ARHGAP6: variants seen among roughly 807,000 people sequenced by gnomAD.
ARHGAP6 encodes rho GTPase-activating protein 6.
In ARHGAP6, 16 loss-of-function variants were observed where a neutral mutation model predicts 55.7. That is an observed-to-expected ratio of 0.29 (90% confidence interval 0.19 to 0.44). The LOEUF (loss-of-function observed/expected upper bound fraction) is 0.44. Among genes scored for constraint, ARHGAP6 ranks in the 20% least tolerant of loss-of-function variants. The probability of loss-of-function intolerance (pLI) is 1.00; values close to 1 mark genes in which losing one functional copy is unlikely to be tolerated. For synonymous variants in ARHGAP6, 382 were observed against 360.9 expected, an observed-to-expected ratio of 1.06 and a Z score of -0.66; for missense variants, 698 against 808.9, an observed-to-expected ratio of 0.86 and a Z score of 1.66.
At chrX:11,599,821 T>A (rs1053579556) in intron 1 of ARHGAP6, among the ~76,000 whole-genome samples, 6 of 112,105 alleles carry the variant, frequency 5.4e-5, no homozygotes, top group Non-Finnish European at 9.4e-5. Context: ...GCGGATATGA[T>A]CATAAACTTG....
intron 1 of ARHGAP6, among the ~76,000 whole-genome samples, chrX:11,515,991 A>T (rs1335258692): frequency 1.8e-5 from 2 of 112,468 alleles, no homozygotes; most frequent in Non-Finnish European, 3.8e-5. Flanking sequence ...TTTTCCTATT[A>T]AAGTTAATTG....
intron 1 of ARHGAP6, among the ~76,000 whole-genome samples, chrX:11,647,810 A>T (rs1163698076): frequency 8.9e-6 from 1 of 112,189 alleles, no homozygotes; most frequent in Non-Finnish European, 1.9e-5. Context: ...TCCCATTCTA[A>T]TCATGCAAAA....
At chrX:11,458,263 G>T (rs1226140384) in intron 1 of ARHGAP6, among the ~76,000 whole-genome samples, 2 of 112,532 alleles carry the variant, frequency 1.8e-5, no homozygotes, top group African/African-American at 6.5e-5. Context: ...GAAGACTTTA[G>T]TAAGGCTGCG....
chrX:11,219,284 T>G lies in ARHGAP6; in HGVS notation c.749-22288A>C, dbSNP rs1306406735. Among the ~76,000 whole-genome samples, 389 of 104,656 alleles carry G rather than the reference T, an allele frequency of 3.7e-3. 1 individual carries two copies. The highest frequency in any genetic ancestry group is 8.6e-3 in the African/African-American group (242 of 28,299). 90.9% of individuals were successfully genotyped at this position (104,656 alleles called of 115,157 possible). On this transcript the variant is annotated intron_variant, in intron 2 of 12. Coordinates refer to ENST00000337414, the MANE Select transcript of ARHGAP6 (RefSeq NM_013427.3). Reference sequence around the variant, plus strand: ...TACCACATTTTCTTAATCCAGTCTATCATTGTTGGACATTTGGGTTGGTTC... The same window carrying G: ...TACCACATTTTCTTAATCCAGTCTAGCATTGTTGGACATTTGGGTTGGTTC...
chrX:11,634,838 G>T (rs754599370), intron 1 of ARHGAP6, among the ~76,000 whole-genome samples: 18 of 111,835 alleles, frequency 1.6e-4, no homozygotes, highest in African/African-American at 5.5e-4. Context: ...AGATTTTGTG[G>T]GTCAAGAATC....
intron 9 of ARHGAP6, among the ~76,000 whole-genome samples, chrX:11,157,119 C>T (rs1310548480): frequency 4.5e-5 from 5 of 111,850 alleles, no homozygotes; most frequent in African/African-American, 1.6e-4. Flanking sequence ...GAATCTTAGC[C>T]ACGCCAGTCA....
intron 1 of ARHGAP6, among the ~76,000 whole-genome samples, chrX:11,636,177 C>T (rs769044335): frequency 2.1e-4 from 23 of 110,853 alleles, no homozygotes; most frequent in South Asian, 1.9e-3. Flanking sequence ...TTATTAATAG[C>T]GCCTCTTTTC....
At chrX:11,466,060 T>A (rs1212848752) in intron 1 of ARHGAP6, among the ~76,000 whole-genome samples, 1 of 111,201 alleles carries the variant, frequency 9.0e-6, no homozygotes, top group Non-Finnish European at 1.9e-5. Flanking sequence ...ACACAGAGAC[T>A]TTCCTGATCC....
intron 1 of ARHGAP6, among the ~76,000 whole-genome samples, chrX:11,477,077 C>T (rs1340678287): frequency 9.2e-6 from 1 of 109,106 alleles, no homozygotes; most frequent in Admixed American, 9.8e-5. Context: ...TTATATCAGA[C>T]AAGTGACTTG....
At position 11,178,174 on chromosome X, in the gene ARHGAP6, G is replaced by A; in HGVS notation, c.1555C>T (p.Leu519Phe). The change falls in exon 8 of 13, where the codon CTC (leucine) becomes TTC (phenylalanine). Residue 519 changes from leucine to phenylalanine, a missense_variant. Transcript: ENST00000337414. The stretch of plus-strand genomic sequence containing the variant: ...GAGAGGAACTGTAGCAGGCGGTGGA[G>A]GGTGTCGCAGTTGCAGGGAGGTAGA... ...YLLPPCNCDT[L>F]HRLLQFLSIV... 8.3e-7 allele frequency: 1 copy of A among 1,211,513 alleles called. No individual in the cohort carries two copies. The highest frequency in any genetic ancestry group is 1.1e-6 in the Non-Finnish European group (1 of 895,416).
intron 1 of ARHGAP6, among the ~76,000 whole-genome samples, chrX:11,467,380 C>CA (rs374752108): frequency 1.5e-3 from 156 of 106,083 alleles, no homozygotes; most frequent in African/African-American, 4.3e-3. Flanking sequence ...AACAAACAAA[C>CA]AAAAAAAAAC....
intron 1 of ARHGAP6, among the ~76,000 whole-genome samples, chrX:11,386,239 T>G (rs192974843): frequency 3.5e-5 from 4 of 113,116 alleles, no homozygotes; most frequent in Non-Finnish European, 7.5e-5. Context: ...ATTGAAAGAA[T>G]GTGACGTAAG....
intron 1 of ARHGAP6, among the ~76,000 whole-genome samples, chrX:11,397,958 G>T (rs1264016716): frequency 9.0e-6 from 1 of 111,651 alleles, no homozygotes; most frequent in Non-Finnish European, 1.9e-5. Flanking sequence ...CTAGAATGAT[G>T]TCAGACCAAC....
At chrX:11,271,364 A>C (rs2047691086) in intron 1 of ARHGAP6, among the ~76,000 whole-genome samples, 1 of 111,600 alleles carries the variant, frequency 9.0e-6, no homozygotes, top group Non-Finnish European at 1.9e-5. Flanking sequence ...TAGGCCAAAC[A>C]AACTAGGCAA....
At chrX:11,516,210 T>C (rs1343425030) in intron 1 of ARHGAP6, among the ~76,000 whole-genome samples, 1 of 112,816 alleles carries the variant, frequency 8.9e-6, no homozygotes, top group Non-Finnish European at 1.9e-5. Flanking sequence ...TTTCCTTTCA[T>C]TCAAATGTTT....
At chrX:11,256,337 C>G (rs1325792279) in intron 1 of ARHGAP6, among the ~76,000 whole-genome samples, 1 of 111,743 alleles carries the variant, frequency 8.9e-6, no homozygotes, top group East Asian at 2.8e-4. Flanking sequence ...TGCAGTGAGC[C>G]AAGATCACAC....
At chrX:11,152,508 C>T (rs184495497) in intron 10 of ARHGAP6, among the ~76,000 whole-genome samples, 5 of 111,800 alleles carry the variant, frequency 4.5e-5, no homozygotes, top group African/African-American at 1.6e-4. Context: ...TATTGTGACC[C>T]CAGCTAGCCA....
At chrX:11,540,588 T>C (rs960595915) in intron 1 of ARHGAP6, among the ~76,000 whole-genome samples, 3 of 111,732 alleles carry the variant, frequency 2.7e-5, no homozygotes, top group Non-Finnish European at 5.6e-5. Context: ...CTTAGATCCC[T>C]CTTTGGGATC....
Position 11,303,006 on chromosome X carries a change from A to G in ARHGAP6, c.589-48299T>C, listed in dbSNP as rs754209634. ...GTTTAAGGCCAAGACTTTTAAAAAG[A>G]AAATAAATTAGTAGACAACTGTATT... On this transcript the variant is annotated intron_variant, in intron 1 of 12. Transcript: ENST00000337414. 5.3e-5 allele frequency among the ~76,000 whole-genome samples: 6 copies of G among 112,706 alleles called. No homozygotes were observed. The South Asian group carries it at 2.2e-3, about 41-fold the overall frequency.
Sources: allele counts gnomAD v4.1 joint callset (sites outside exome capture counted in the v4.1 genomes callset), GRCh38; gene constraint gnomAD v4.1.1; transcripts MANE v1.5; gene names NCBI Gene and HGNC (gene_info 2026-07-23, HGNC 2026-07-21).